Variants in LRMDA observed in about 807,000 individuals in gnomAD.
LRMDA encodes the protein leucine-rich melanocyte differentiation-associated protein.
LRMDA carries 18 observed loss-of-function variants against 29.8 expected under a neutral mutation model. That is an observed-to-expected ratio of 0.60 (90% confidence interval 0.42 to 0.90). LRMDA has a LOEUF of 0.90. LRMDA is among the 40% of genes least tolerant of loss of function. LRMDA has a pLI of 0.00. For missense variants in LRMDA, 273 were observed against 273.9 expected (o/e 1.00, Z 0.02); for synonymous variants, 125 against 109.4 (o/e 1.14, Z -0.89).
intron 2 of LRMDA, among the ~76,000 whole-genome samples, chr10:75,901,341 G>A (rs1257030354): frequency 6.6e-6 from 1 of 150,888 alleles, no homozygotes; most frequent in African/African-American, 2.4e-5. Flanking sequence ...TAATTGCATT[G>A]GTTTCTCCAA....
intron 2 of LRMDA, among the ~76,000 whole-genome samples, chr10:75,712,392 C>A (rs1842446422): frequency 6.9e-6 from 1 of 144,988 alleles, no homozygotes; most frequent in African/African-American, 2.6e-5. Context: ...GGCCCTCCGT[C>A]AGCAGATCGC....
chr10:75,480,720 C>G (rs1189606388), intron 2 of LRMDA, among the ~76,000 whole-genome samples: 1 of 152,140 alleles, frequency 6.6e-6, no homozygotes, highest in Non-Finnish European at 1.5e-5. Flanking sequence ...TTAGAAAGAT[C>G]ACTGTGGTTG....
intron 5 of LRMDA, among the ~76,000 whole-genome samples, chr10:76,109,316 T>C (rs1375053534): frequency 6.6e-6 from 1 of 152,238 alleles, no homozygotes; most frequent in Non-Finnish European, 1.5e-5. Context: ...AAATGTTCAC[T>C]CTATCCCCAA....
At chr10:75,589,350 G>C (rs1260572214) in intron 2 of LRMDA, among the ~76,000 whole-genome samples, 1 of 152,144 alleles carries the variant, frequency 6.6e-6, no homozygotes, top group Non-Finnish European at 1.5e-5. Flanking sequence ...CTCTTATTAT[G>C]AATGAGATTA....
intron 2 of LRMDA, among the ~76,000 whole-genome samples, chr10:75,690,875 A>G (rs1842136013): frequency 6.6e-6 from 1 of 150,814 alleles, no homozygotes; most frequent in East Asian, 2.0e-4. Flanking sequence ...TGGGAGGCTA[A>G]GGTGGGAGGA....
chr10:75,678,962 C>G (rs185098405), intron 2 of LRMDA, among the ~76,000 whole-genome samples: 3 of 152,224 alleles, frequency 2.0e-5, no homozygotes, highest in East Asian at 3.9e-4. Flanking sequence ...TAGGTTTCAG[C>G]AACGAAAGAG....
intron 2 of LRMDA, among the ~76,000 whole-genome samples, chr10:75,985,144 G>A (rs751395413): frequency 1.3e-5 from 2 of 152,026 alleles, no homozygotes; most frequent in Non-Finnish European, 2.9e-5. Context: ...TTCTGACTTT[G>A]AGGGAGAATT....
Position 76,496,634 on chromosome 10 carries a change from G to A in LRMDA, c.602-60575G>A, listed in dbSNP as rs1315712331. On this transcript the variant is annotated intron_variant, in intron 6 of 6. Coordinates refer to ENST00000611255, the MANE Select transcript of LRMDA (RefSeq NM_001305581.2). ...TCAGTGTGTTTTTGAAGCTTATTGG[G>A]TCTTGATTATTACATTTCAAACTCT... Among the ~76,000 whole-genome samples the A allele has an allele frequency of 2.7e-5, 2 of 74,762 alleles. 1 individual carries two copies. The highest frequency in any genetic ancestry group is 6.5e-5 in the African/African-American group (2 of 30,728). The allele number at this position is 74,762 out of a possible 152,430, so 49.0% of individuals were successfully genotyped here.
At chr10:76,158,776 T>C (rs947735313) in intron 5 of LRMDA, among the ~76,000 whole-genome samples, 1 of 152,184 alleles carries the variant, frequency 6.6e-6, no homozygotes, top group African/African-American at 2.4e-5. Flanking sequence ...AAAAATGTTA[T>C]TCCTTCTAAT....
At chr10:76,011,913 G>C (rs891056160) in intron 2 of LRMDA, among the ~76,000 whole-genome samples, 7 of 152,164 alleles carry the variant, frequency 4.6e-5, no homozygotes, top group Non-Finnish European at 1.0e-4. Flanking sequence ...CAGAGGTGAG[G>C]GCAAGCCATG....
chr10:75,671,838 A>T (rs1841894971), intron 2 of LRMDA, among the ~76,000 whole-genome samples: 1 of 152,122 alleles, frequency 6.6e-6, no homozygotes, highest in Non-Finnish European at 1.5e-5. Flanking sequence ...GACGATTCCT[A>T]TCCCACTCTT....
In LRMDA at chr10:75,907,260, T is replaced by C. The variant is rs1015957828; in HGVS notation, c.132-128748T>C. 5.3e-5 allele frequency among the ~76,000 whole-genome samples: 8 copies of C among 152,336 alleles called. No individual in the cohort carries two copies. The South Asian group carries it at 6.2e-4, about 12-fold the overall frequency. On this transcript the variant is annotated intron_variant, in intron 2 of 6. Transcript: ENST00000611255. ...GTATAAATTAAAGGTTTAGTGTATATAAAATTTGTCATGTTTAATTGCAAG... is the reference window on the plus strand; with the variant it reads ...GTATAAATTAAAGGTTTAGTGTATACAAAATTTGTCATGTTTAATTGCAAG...
intron 2 of LRMDA, among the ~76,000 whole-genome samples, chr10:75,854,356 T>C (rs1844785740): frequency 6.6e-6 from 1 of 152,138 alleles, no homozygotes; most frequent in Admixed American, 6.5e-5. Flanking sequence ...TTCCCTGGGA[T>C]AGTCTCAATT....
At chr10:76,371,620 A>G (rs1248992244) in intron 6 of LRMDA, among the ~76,000 whole-genome samples, 1 of 152,154 alleles carries the variant, frequency 6.6e-6, no homozygotes, top group African/African-American at 2.4e-5. Context: ...TCTGAAATTC[A>G]TCCATGGGTA....
intron 6 of LRMDA, among the ~76,000 whole-genome samples, chr10:76,350,118 GA>G (rs1184562163): frequency 6.7e-6 from 1 of 150,184 alleles, no homozygotes; most frequent in Non-Finnish European, 1.5e-5. Flanking sequence ...AAACTAGGAT[GA>G]AAACCATGAA....
In LRMDA at chr10:76,499,777, T is replaced by C. The variant is rs190181894; in HGVS notation, c.602-57432T>C. Among the ~76,000 whole-genome samples, 738 of 75,500 alleles carry C rather than the reference T, an allele frequency of 9.8e-3. 218 individuals are homozygous for C. Among genetic ancestry groups the C allele is most frequent in the Middle Eastern group, 0.032 (4 of 124 alleles). The allele number at this position is 75,500 out of a possible 152,430, so 49.5% of individuals were successfully genotyped here. A position where few individuals can be genotyped will look rare whatever the true frequency, so the allele number is the denominator to read the frequency against. On this transcript the variant is annotated intron_variant, in intron 6 of 6. Coordinates refer to ENST00000611255, the MANE Select transcript of LRMDA (RefSeq NM_001305581.2). Reference sequence around the variant, plus strand: ...ACCCAGGATCACATATTGCATTTAATTATCATGTCTCCTTAGTCTTTTTAA... The same window carrying C: ...ACCCAGGATCACATATTGCATTTAACTATCATGTCTCCTTAGTCTTTTTAA...
rs557212743 is a variant in LRMDA, at chr10:76,086,013, C to T, written c.516+27230C>T. Among the ~76,000 whole-genome samples the T allele has an allele frequency of 2.1e-3, 326 of 152,334 alleles. 5 individuals carry two copies. Among genetic ancestry groups the T allele is most frequent in the African/African-American group, 7.1e-3 (297 of 41,566 alleles). ...TGCTTCACTCTTCTGCACCACCCCC[C>T]GCCCAATTTTATAGTCTTCTCAAGT... On this transcript the variant is annotated intron_variant, in intron 5 of 6. Coordinates refer to ENST00000611255, the MANE Select transcript of LRMDA (RefSeq NM_001305581.2).
intron 2 of LRMDA, among the ~76,000 whole-genome samples, chr10:75,751,016 C>T (rs1842960451): frequency 6.6e-6 from 1 of 152,202 alleles, no homozygotes; most frequent in African/African-American, 2.4e-5. Context: ...TGCACTCCAG[C>T]CTGGGCAACA....
At chr10:75,874,048 T>C (rs140457589) in intron 2 of LRMDA, among the ~76,000 whole-genome samples, 1 of 152,292 alleles carries the variant, frequency 6.6e-6, no homozygotes, top group African/African-American at 2.4e-5. Flanking sequence ...GCCCTTCTTC[T>C]TCATCCCTAT....
Sources: allele counts gnomAD v4.1 joint callset (sites outside exome capture counted in the v4.1 genomes callset), GRCh38; gene constraint gnomAD v4.1.1; transcripts MANE v1.5; gene names NCBI Gene and HGNC (gene_info 2026-07-23, HGNC 2026-07-21).